The following GALNT18 variants were observed in gnomAD, a reference collection of about 807,000 sequenced individuals.
The protein encoded by GALNT18 is GalNAc-transferase 18.
GALNT18 carries 44 observed loss-of-function variants against 69.5 expected under a neutral mutation model. That is an observed-to-expected ratio of 0.63 (90% CI 0.50 to 0.81). The LOEUF (loss-of-function observed/expected upper bound fraction) is 0.81, where lower values mean the gene tolerates loss of function less well. Ranked by LOEUF, GALNT18 falls within the 40% of genes least tolerant of loss-of-function variation. GALNT18 has a pLI of 0.00. For synonymous variants in GALNT18, 364 were observed against 318.2 expected (o/e 1.14, Z -1.53); for missense variants, 715 against 810.0 (o/e 0.88, Z 1.42).
intron 10 of GALNT18, among the ~76,000 whole-genome samples, chr11:11,275,964 C>A (rs1428960791): frequency 1.3e-5 from 2 of 152,120 alleles, no homozygotes; most frequent in Non-Finnish European, 2.9e-5. Context: ...AGTTAGGTAG[C>A]CTGATGCATC....
intron 6 of GALNT18, chr11:11,352,309 C>G (rs1470198598): frequency 1.2e-6 from 2 of 1,614,088 alleles, no homozygotes; most frequent in South Asian, 2.2e-5. Flanking sequence ...CCCAAGATAT[C>G]ATTGAAACGT....
intron 2 of GALNT18, among the ~76,000 whole-genome samples, chr11:11,442,249 G>T (rs1460400373): frequency 6.6e-6 from 1 of 152,082 alleles, no homozygotes. Context: ...TTGATCTTTT[G>T]CCTCCCTCTT....
chr11:11,275,726 G>C (rs996424443), intron 10 of GALNT18, among the ~76,000 whole-genome samples: 9 of 152,144 alleles, frequency 5.9e-5, no homozygotes, highest in African/African-American at 2.2e-4. Context: ...GTAAGGAAGG[G>C]GTCCAGCTTC....
In GALNT18 at chr11:11,337,615, T is replaced by C. The variant is rs1850135441; in HGVS notation, c.1278+3204A>G. The stretch of plus-strand genomic sequence containing the variant: ...TTAGGAGGGGGAGCTCTTCCCCCAG[T>C]TGGAGCTGGCTTTCTAGAGGAGGGA... On this transcript the variant is annotated intron_variant, in intron 7 of 10. Coordinates refer to ENST00000227756, the MANE Select transcript of GALNT18 (RefSeq NM_198516.3). This position sits in a 1 kb window ranked among gnomAD's most constrained non-coding sequence, Gnocchi z 4.9. Among the ~76,000 whole-genome samples the C allele has an allele frequency of 6.6e-6, 1 of 152,118 alleles. No individual in the cohort carries two copies. Among genetic ancestry groups the C allele is most frequent in the Admixed American group, 6.5e-5 (1 of 15,270 alleles).
Position 11,590,435 on chromosome 11 carries a change from G to A in GALNT18, c.235+30924C>T, listed in dbSNP as rs1178635084. Among the ~76,000 whole-genome samples, 1 of 152,222 alleles carries A rather than the reference G, an allele frequency of 6.6e-6. No individual in the cohort carries two copies. Among genetic ancestry groups the A allele is most frequent in the African/African-American group, 2.4e-5 (1 of 41,450 alleles). On this transcript the variant is annotated intron_variant, in intron 1 of 10. Coordinates refer to ENST00000227756, the MANE Select transcript of GALNT18 (RefSeq NM_198516.3). The surrounding 1 kb of genome is among the most constrained non-coding windows in gnomAD (Gnocchi z 4.4). ...GGATATTTTCATTGTACTGGTTAAA[G>A]CCACTGGTTTGGAAGTTGACATTAA...
intron 1 of GALNT18, among the ~76,000 whole-genome samples, chr11:11,479,490 T>C (rs1325789005): frequency 6.6e-6 from 1 of 152,106 alleles, no homozygotes; most frequent in Non-Finnish European, 1.5e-5. Context: ...CAAATATGAG[T>C]TGAAATAGCT....
At position 11,372,662 on chromosome 11, in the gene GALNT18, T is replaced by C; in HGVS notation, c.978-33A>G. ...GGCAGGGGAGAGCAGAAGGGCTGTCTGGTGCAGCTGTCCGAGGAGTAAGAG... is the reference window on the plus strand; with the variant it reads ...GGCAGGGGAGAGCAGAAGGGCTGTCCGGTGCAGCTGTCCGAGGAGTAAGAG... On this transcript the variant is annotated intron_variant, in intron 5 of 10. Transcript: ENST00000227756. The surrounding 1 kb of genome is among the most constrained non-coding windows in gnomAD (Gnocchi z 4.9). 6.4e-7 allele frequency: 1 copy of C among 1,552,710 alleles called. No individual in the cohort carries two copies. The highest frequency in any genetic ancestry group is 8.9e-7 in the Non-Finnish European group (1 of 1,125,810).
At chr11:11,510,843 T>C (rs1187320011) in intron 1 of GALNT18, among the ~76,000 whole-genome samples, 1 of 152,202 alleles carries the variant, frequency 6.6e-6, no homozygotes, top group African/African-American at 2.4e-5. Context: ...TCTGTGATAG[T>C]GGACAGTCCC....
At chr11:11,349,183 A>G (rs1459170050) in intron 6 of GALNT18, among the ~76,000 whole-genome samples, 1 of 152,178 alleles carries the variant, frequency 6.6e-6, no homozygotes, top group Non-Finnish European at 1.5e-5. Flanking sequence ...ATAAATATGC[A>G]GTAATTTATT....
chr11:11,324,619 T>A (rs1040630490), intron 9 of GALNT18, among the ~76,000 whole-genome samples: 1 of 152,046 alleles, frequency 6.6e-6, no homozygotes, highest in Non-Finnish European at 1.5e-5. Flanking sequence ...TAAGGTGGTA[T>A]CTCATTGTTG....
intron 3 of GALNT18, among the ~76,000 whole-genome samples, chr11:11,406,669 C>A (rs1191335828): frequency 6.6e-6 from 1 of 152,140 alleles, no homozygotes; most frequent in Non-Finnish European, 1.5e-5. Flanking sequence ...GGGCAGTATA[C>A]CAAAATAATT....
At chr11:11,506,652 A>T (rs926957274) in intron 1 of GALNT18, among the ~76,000 whole-genome samples, 2 of 152,210 alleles carry the variant, frequency 1.3e-5, no homozygotes, top group Non-Finnish European at 2.9e-5. Context: ...GGTTAATTTT[A>T]AAAGGACTAT....
chr11:11,471,669 T>C (rs1314851771), intron 1 of GALNT18, among the ~76,000 whole-genome samples: 2 of 152,184 alleles, frequency 1.3e-5, no homozygotes, highest in East Asian at 1.9e-4. Context: ...ATAAGAACCC[T>C]TGTAGAAGCA....
chr11:11,284,908 G>GGTTTT (rs766754289), intron 10 of GALNT18, among the ~76,000 whole-genome samples: 1 of 82,822 alleles, frequency 1.2e-5, no homozygotes, highest in African/African-American at 6.0e-5. Context: ...AGACTTTCGT[G>GGTTTT]TTTTTTTTTT....
chr11:11,285,387 C>G (rs917545607), intron 10 of GALNT18, among the ~76,000 whole-genome samples: 2 of 152,128 alleles, frequency 1.3e-5, no homozygotes, highest in Non-Finnish European at 2.9e-5. Flanking sequence ...ATTTATAAAA[C>G]AGAGTAGTGC....
rs372710535 is a variant in GALNT18 at position 11,353,928 on chromosome 11, G to C, written c.1093-12924C>G. Among the ~76,000 whole-genome samples the C allele has an allele frequency of 4.2e-4, 64 of 152,322 alleles. No individual in the cohort carries two copies. The South Asian group carries it at 0.013, about 31-fold the overall frequency. Reference sequence around the variant, plus strand: ...GGAGCAGACATCAGAGGAATGTCTGGTGTCTATGTGTCTGGCTCAAGCATC... The same window carrying C: ...GGAGCAGACATCAGAGGAATGTCTGCTGTCTATGTGTCTGGCTCAAGCATC... On this transcript the variant is annotated intron_variant, in intron 6 of 10. Coordinates refer to ENST00000227756, the MANE Select transcript of GALNT18 (RefSeq NM_198516.3).
chr11:11,335,687 A>G (rs1006027786), intron 7 of GALNT18, among the ~76,000 whole-genome samples: 20 of 152,310 alleles, frequency 1.3e-4, no homozygotes, highest in African/African-American at 4.3e-4. Flanking sequence ...GTATGTGACT[A>G]TATATGACTA....
rs1857513874 is a variant in GALNT18 at position 11,525,953 on chromosome 11, T to C, written c.236-77017A>G. Among the ~76,000 whole-genome samples the C allele has an allele frequency of 2.0e-5, 3 of 152,034 alleles. No homozygotes were observed. The South Asian group carries it at 6.2e-4, about 32-fold the overall frequency. ...CCGGCCACGCATATCACATTTGAGG[T>C]GTCACTGCAACATGCTAATGGGGGT... On this transcript the variant is annotated intron_variant, in intron 1 of 10. Coordinates refer to ENST00000227756, the MANE Select transcript of GALNT18 (RefSeq NM_198516.3).
intron 10 of GALNT18, among the ~76,000 whole-genome samples, chr11:11,278,304 A>C (rs955497489): frequency 6.8e-6 from 1 of 147,062 alleles, no homozygotes; most frequent in Non-Finnish European, 1.5e-5. Context: ...CTCTGGACCA[A>C]GTTGACCAAC....
Sources: gnomAD v4.1 joint callset for allele counts (sites outside exome capture counted in the v4.1 genomes callset) on GRCh38, gnomAD v4.1.1 for gene constraint, Gnocchi (gnomAD v3.1) non-coding constraint, MANE v1.5 for transcripts, NCBI Gene and HGNC (gene_info 2026-07-23, HGNC 2026-07-21) for gene names.